The following KCNK13 variants were observed in gnomAD, a reference collection of about 807,000 sequenced individuals.
The protein encoded by KCNK13 is potassium channel subfamily K member 13.
In KCNK13, 12 loss-of-function variants were observed where a neutral mutation model predicts 23.4. The observed-to-expected ratio is 0.51, with a 90% CI of 0.33 to 0.83. KCNK13 has a LOEUF of 0.83. Among genes scored for constraint, KCNK13 ranks in the 40% least tolerant of loss-of-function variants. KCNK13 has a pLI of 0.02. For synonymous variants in KCNK13, 231 were observed against 229.5 expected (o/e 1.01, Z -0.06); for missense variants, 463 against 556.3 (o/e 0.83, Z 1.69).
chr14:90,178,399 C>G (rs938669081), intron 1 of KCNK13, among the ~76,000 whole-genome samples: 5 of 152,046 alleles, frequency 3.3e-5, no homozygotes, highest in Non-Finnish European at 5.9e-5. Context: ...TCAAGTGATT[C>G]TCCTGCCTCA....
intron 1 of KCNK13, among the ~76,000 whole-genome samples, chr14:90,065,585 C>T (rs1384810281): frequency 6.6e-6 from 1 of 152,192 alleles, no homozygotes; most frequent in African/African-American, 2.4e-5. Flanking sequence ...AGCTTGGAAG[C>T]AAAGCAAAGC....
chr14:90,089,344 C>T (rs1017454246), intron 1 of KCNK13, among the ~76,000 whole-genome samples: 4 of 152,192 alleles, frequency 2.6e-5, no homozygotes, highest in African/African-American at 7.2e-5. Flanking sequence ...CAAAGAGACT[C>T]AAGGCATTTT....
intron 1 of KCNK13, among the ~76,000 whole-genome samples, chr14:90,077,413 G>A (rs1889153102): frequency 6.6e-6 from 1 of 152,122 alleles, no homozygotes; most frequent in South Asian, 2.1e-4. Context: ...GAGCCACCAT[G>A]CCCGGCCAAT....
intron 1 of KCNK13, among the ~76,000 whole-genome samples, chr14:90,115,743 A>G (rs554207795): frequency 6.6e-6 from 1 of 152,354 alleles, no homozygotes; most frequent in East Asian, 1.9e-4. Context: ...GTTGTGGGCC[A>G]TGGTTTGTCC....
chr14:90,156,247 T>G (rs1009324837), intron 1 of KCNK13, among the ~76,000 whole-genome samples: 85 of 149,932 alleles, frequency 5.7e-4, no homozygotes, highest in African/African-American at 1.9e-3. Context: ...GAGATGGTAT[T>G]TAAAATCATG....
intron 1 of KCNK13, among the ~76,000 whole-genome samples, chr14:90,081,722 C>T (rs776072698): frequency 7.2e-5 from 11 of 152,182 alleles, no homozygotes; most frequent in East Asian, 1.9e-4. Flanking sequence ...TACCCTTTAG[C>T]GTTTGCCCCC....
chr14:90,109,784 C>A (rs1596782005), intron 1 of KCNK13, among the ~76,000 whole-genome samples: 1 of 151,744 alleles, frequency 6.6e-6, no homozygotes, highest in Non-Finnish European at 1.5e-5. Context: ...TCACGGCTCA[C>A]TGTAGCCTCA....
At chr14:90,162,551 G>A (rs1396071575) in intron 1 of KCNK13, among the ~76,000 whole-genome samples, 1 of 152,160 alleles carries the variant, frequency 6.6e-6, no homozygotes, top group East Asian at 1.9e-4. Context: ...TCTTACAACT[G>A]CTGTCAGTCT....
intron 1 of KCNK13, among the ~76,000 whole-genome samples, chr14:90,135,230 A>G (rs1410418494): frequency 6.6e-6 from 1 of 152,194 alleles, no homozygotes; most frequent in African/African-American, 2.4e-5. Context: ...GGTTTCATGA[A>G]AGAAAACTCT....
chr14:90,090,837 G>A (rs747752282), intron 1 of KCNK13, among the ~76,000 whole-genome samples: 12 of 152,114 alleles, frequency 7.9e-5, no homozygotes, highest in Admixed American at 2.0e-4. Context: ...TTTGCCTGCC[G>A]CCATCCATGT....
At chr14:90,063,107 A>G (rs1166842490) in intron 1 of KCNK13, among the ~76,000 whole-genome samples, 1 of 152,140 alleles carries the variant, frequency 6.6e-6, no homozygotes, top group Admixed American at 6.5e-5. Context: ...GAACCAGGGA[A>G]GTGACCTTTG....
intron 1 of KCNK13, among the ~76,000 whole-genome samples, chr14:90,116,561 G>C (rs995448694): frequency 6.6e-6 from 1 of 152,186 alleles, no homozygotes; most frequent in Non-Finnish European, 1.5e-5. Context: ...CCCCGGCTAG[G>C]TCAGCTCATC....
chr14:90,181,032 T>A (rs549123872), intron 1 of KCNK13, among the ~76,000 whole-genome samples: 9 of 152,276 alleles, frequency 5.9e-5, no homozygotes, highest in African/African-American at 1.9e-4. Flanking sequence ...AATTTTTGTA[T>A]TTTTAGTGGA....
chr14:90,096,230 C>G (rs942808934), intron 1 of KCNK13, among the ~76,000 whole-genome samples: 3 of 152,118 alleles, frequency 2.0e-5, no homozygotes. Context: ...CTCCTCTCCC[C>G]TCCCTGGAGG....
intron 1 of KCNK13, among the ~76,000 whole-genome samples, chr14:90,171,360 C>T (rs1000949225): frequency 1.3e-5 from 2 of 152,184 alleles, no homozygotes; most frequent in African/African-American, 2.4e-5. Flanking sequence ...GAAGAAGGAA[C>T]GATGTCAAAG....
At chr14:90,156,131 G>C (rs1890191161) in intron 1 of KCNK13, among the ~76,000 whole-genome samples, 1 of 150,758 alleles carries the variant, frequency 6.6e-6, no homozygotes, top group Admixed American at 6.7e-5. Context: ...CTTGAGCCCG[G>C]TAGGTCGAGG....
chr14:90,118,381 G>A (rs1428159572), intron 1 of KCNK13, among the ~76,000 whole-genome samples: 2 of 152,124 alleles, frequency 1.3e-5, no homozygotes, highest in Non-Finnish European at 2.9e-5. Flanking sequence ...AACTTAAGAT[G>A]CAACAGTTAC....
At position 90,107,146 on chromosome 14, in the gene KCNK13, T is replaced by C. The variant is rs567040016; in HGVS notation, c.334+44607T>C. On this transcript the variant is annotated intron_variant, in intron 1 of 1. Coordinates refer to ENST00000282146, the MANE Select transcript of KCNK13 (RefSeq NM_022054.4). ...CCACACACCACCGCTTTACTGTCCATGATGAGATTGCCTGAGATGGTGCAC... is the reference window on the plus strand; with the variant it reads ...CCACACACCACCGCTTTACTGTCCACGATGAGATTGCCTGAGATGGTGCAC... Among the ~76,000 whole-genome samples, 3 of 152,246 alleles carry C rather than the reference T, an allele frequency of 2.0e-5. No homozygotes were observed. The East Asian group carries it at 5.8e-4, about 29-fold the overall frequency.
At chr14:90,115,866 T>C (rs1889671192) in intron 1 of KCNK13, among the ~76,000 whole-genome samples, 1 of 152,222 alleles carries the variant, frequency 6.6e-6, no homozygotes, top group Non-Finnish European at 1.5e-5. Context: ...GCTCTTCAGG[T>C]GATTTTCAAT....
Sources: allele counts gnomAD v4.1 joint callset (sites outside exome capture counted in the v4.1 genomes callset), GRCh38; gene constraint gnomAD v4.1.1; transcripts MANE v1.5; gene names NCBI Gene and HGNC (gene_info 2026-07-23, HGNC 2026-07-21).